The following NOS3 variants were observed in gnomAD, a reference collection of about 807,000 sequenced individuals.
NOS3 encodes nitric oxide synthase 3, also known as NOS type III.
In NOS3, 98 loss-of-function variants were observed where a neutral mutation model predicts 144.9. That is an observed-to-expected ratio of 0.68 (90% CI 0.57 to 0.80). The LOEUF (loss-of-function observed/expected upper bound fraction) is 0.80. Ranked by LOEUF, NOS3 falls within the 30% of genes least tolerant of loss-of-function variation. The pLI, the probability that NOS3 is intolerant of heterozygous loss-of-function variation, is 0.00. For missense variants in NOS3, 1,465 were observed against 1,656.4 expected (o/e 0.88, Z 2.01); for synonymous variants, 714 against 702.4 (o/e 1.02, Z -0.26).
intron 23 of NOS3, chr7:151,011,985 A>T (rs1351826077): frequency 2.3e-5 from 7 of 298,198 alleles, no homozygotes; most frequent in Admixed American, 4.7e-5. Flanking sequence ...GCTAAACTAC[A>T]AATAAACCGT....
chr7:151,001,057 C>T (rs761107060), intron 10 of NOS3, among the ~76,000 whole-genome samples, 174 bp from the exon 11 acceptor site: 51 of 152,076 alleles, frequency 3.4e-4, no homozygotes, highest in Non-Finnish European at 5.7e-4. Context: ...GCAGCATGAC[C>T]ATGCATGATG....
Position 151,003,623 on chromosome 7 carries a change from C to A in NOS3, c.1752+1319C>A. ...CACATTTTCACCACCCTGGAAAGTT[C>A]CCTCATCAGTTCCTCACGTGAATCC... On this transcript the variant is annotated intron_variant, in intron 14 of 26. Coordinates refer to ENST00000297494, the MANE Select transcript of NOS3 (RefSeq NM_000603.5). The surrounding 1 kb of genome is among the most constrained non-coding windows in gnomAD (Gnocchi z 4.1). 9.8e-7 allele frequency: 1 copy of A among 1,021,676 alleles called. No individual in the cohort carries two copies. Among genetic ancestry groups the A allele is most frequent in the Non-Finnish European group, 1.4e-6 (1 of 730,610 alleles). The allele number at this position is 1,021,676 out of a possible 1,614,324, so 63.3% of individuals were successfully genotyped here.
Position 151,010,257 on chromosome 7 carries a change from G to A in NOS3, c.2655G>A (p.Arg885=). ...RLLSTLAEEP[R]EQQELEALSQ... Reference sequence around the variant, plus strand: ...TCAGCACCTTGGCAGAAGAGCCCAGGGAACAGCAGGAGCTGGAGGCCCTCA... The same window carrying A: ...TCAGCACCTTGGCAGAAGAGCCCAGAGAACAGCAGGAGCTGGAGGCCCTCA... The change falls in exon 21 of 27, where the codon AGG becomes AGA. Residue 885 remains arginine, a synonymous_variant. Coordinates refer to ENST00000297494, the MANE Select transcript of NOS3 (RefSeq NM_000603.5). 2 of 1,613,010 alleles carry A rather than the reference G, an allele frequency of 1.2e-6. No individual in the cohort carries two copies. Among genetic ancestry groups the A allele is most frequent in the Non-Finnish European group, 1.7e-6 (2 of 1,179,904 alleles).
rs1021432680 is a variant in NOS3 at position 151,009,066 on chromosome 7, G to T, written c.2245+4G>T. 19 of 1,612,686 alleles carry T rather than the reference G, an allele frequency of 1.2e-5. No homozygotes were observed. The highest frequency in any genetic ancestry group is 1.7e-5 in the Admixed American group (1 of 59,870). On this transcript the variant is annotated splice_donor_region_variant and intron_variant, in intron 18 of 26. Transcript: ENST00000297494. The stretch of plus-strand genomic sequence containing the variant: ...GAGGGCCTGCAGTTGCTGCCAGGTG[G>T]GCCCTGCCCTCACCCTAACCCGGCT...
chr7:151,007,088 C>T lies in NOS3; in HGVS notation c.1938-14C>T, dbSNP rs768779524. 6.2e-7 allele frequency: 1 copy of T among 1,614,114 alleles called. No individual in the cohort carries two copies. Among genetic ancestry groups the T allele is most frequent in the South Asian group, 1.1e-5 (1 of 91,080 alleles). On this transcript the variant is annotated splice_polypyrimidine_tract_variant and intron_variant, in intron 16 of 26. Coordinates refer to ENST00000297494, the MANE Select transcript of NOS3 (RefSeq NM_000603.5). ...CCTGCAAAGGGAGCTCCACTGACGA[C>T]CCCTGCACCCCAGGTTCTGTGTGTT... is the stretch of plus-strand genomic sequence containing the variant.
intron 4 of NOS3, 58 bp downstream of exon 4, chr7:150,996,610 G>T: frequency 1.3e-6 from 2 of 1,541,444 alleles, no homozygotes; most frequent in South Asian, 2.4e-5. Flanking sequence ...CAGAAACCCC[G>T]TGACGACCTT....
At position 151,009,633 on chromosome 7, in the gene NOS3, G is replaced by A. The variant is rs369082701; in HGVS notation, c.2512+48G>A. 7.3e-5 allele frequency: 104 copies of A among 1,434,272 alleles called. 1 individual carries two copies. The Admixed American group carries it at 9.8e-4, about 14-fold the overall frequency. 88.8% of individuals were successfully genotyped at this position (1,434,272 alleles called of 1,614,324 possible). ...ACAGGGCACACCAGCCCCATGCCCA[G>A]CCCCACCCCCGGCCCCAGGCCTCCA... On this transcript the variant is annotated intron_variant, in intron 20 of 26. Transcript: ENST00000297494.
intron 4 of NOS3, 25 bp from the exon 5 acceptor site, chr7:150,996,738 C>T (rs1802434558): frequency 6.2e-7 from 1 of 1,609,070 alleles, no homozygotes; most frequent in East Asian, 2.2e-5. Context: ...CCTGCTTGTC[C>T]CCTTCCCACC....
At position 151,014,095 on chromosome 7, in the gene NOS3, T is replaced by C. The variant is rs140184474; in HGVS notation, c.3538T>C (p.Leu1180=). 5.6e-6 allele frequency: 9 copies of C among 1,613,680 alleles called. No homozygotes were observed. In the African/African-American group the frequency reaches 1.1e-4, roughly 19 times the overall value. ...CCGCATACGCACCCAGAGCTTTTCC[T>C]TGCAGGAGCGTCAGTTGCGGGGCGC... The part of the protein sequence containing the change: ...TSRIRTQSFS[L]QERQLRGAVP... Residue 1180 remains leucine, a synonymous_variant, in exon 27 of 27, where the codon TTG becomes CTG. Transcript: ENST00000297494.
intron 20 of NOS3, 75 bp downstream of exon 20, chr7:151,009,660 G>T: frequency 7.4e-7 from 1 of 1,348,118 alleles, no homozygotes; most frequent in East Asian, 2.5e-5. Context: ...AGGCCTCCAG[G>T]AGCTCAGGAC....
At position 151,012,431 on chromosome 7, in the gene NOS3, G is replaced by C. The variant is rs368502694; in HGVS notation, c.3065G>C (p.Arg1022Pro). 1.2e-6 allele frequency: 2 copies of C among 1,610,888 alleles called. No homozygotes were observed. Among genetic ancestry groups the C allele is most frequent in the South Asian group, 2.2e-5 (2 of 90,166 alleles). The stretch of plus-strand genomic sequence containing the variant: ...CCAGGCACTGGCATTGCCCCCTTCC[G>C]GGGATTCTGGCAGGAGCGGCTGCAT... ...VGPGTGIAPFRGFWQERLHDI... is the reference protein window; with the variant it reads ...VGPGTGIAPFPGFWQERLHDI... The change falls in exon 24 of 27, where the codon CGG becomes CCG. Residue 1022 changes from arginine (R) to proline (P), a missense_variant. Arg to Pro is a moderately radical substitution (Grantham distance 103, BLOSUM62 -2). Coordinates refer to ENST00000297494, the MANE Select transcript of NOS3 (RefSeq NM_000603.5).
At position 151,014,490 on chromosome 7, in the gene NOS3, T is replaced by C. The variant is rs556568807; in HGVS notation, c.*321T>C. 182 of 358,392 alleles carry C rather than the reference T, an allele frequency of 5.1e-4. No individual in the cohort carries two copies. Among genetic ancestry groups the C allele is most frequent in the Admixed American group, 8.9e-4 (21 of 23,534 alleles). 22.2% of individuals were successfully genotyped at this position (358,392 alleles called of 1,614,324 possible). The stretch of plus-strand genomic sequence containing the variant: ...GCCTCTCTCAGGAGTATCTTACCTG[T>C]AAAGTCTAATCTCTAAATCAAGTAT... On this transcript the variant is annotated 3_prime_UTR_variant, in exon 27 of 27. Transcript: ENST00000297494.
Position 150,998,226 on chromosome 7 carries a change from C to A in NOS3, c.583-131C>A. ...GGGCAGGAAGGGATCAGTGTGGCTG[C>A]CAATGGTCAGGAGGGCGCCATGGAG... On this transcript the variant is annotated intron_variant, in intron 5 of 26. Coordinates refer to ENST00000297494, the MANE Select transcript of NOS3 (RefSeq NM_000603.5). The surrounding 1 kb of genome is among the most constrained non-coding windows in gnomAD (Gnocchi z 5.0). 1.4e-6 allele frequency: 1 copy of A among 735,328 alleles called. No individual in the cohort carries two copies. 45.6% of individuals were successfully genotyped at this position (735,328 alleles called of 1,614,324 possible). A position where few individuals can be genotyped will look rare whatever the true frequency, so the allele number is the denominator to read the frequency against.
At chr7:150,991,927 C>T (rs1241740543) in intron 1 of NOS3, among the ~76,000 whole-genome samples, 2 of 150,468 alleles carry the variant, frequency 1.3e-5, no homozygotes, top group South Asian at 2.1e-4. Flanking sequence ...ACCCAGGAGG[C>T]GGAGGTTACA....
rs1475884381 is a variant in NOS3, at chr7:151,003,709, A to G, written c.1752+1405A>G. On this transcript the variant is annotated intron_variant, in intron 14 of 26. Coordinates refer to ENST00000297494, the MANE Select transcript of NOS3 (RefSeq NM_000603.5). This position sits in a 1 kb window ranked among gnomAD's most constrained non-coding sequence, Gnocchi z 4.1. ...ACCACAGAATAGTTTCGCCTGCTCTAGAACGGCACCTAGATGGAAGCACGC... is the reference window on the plus strand; with the variant it reads ...ACCACAGAATAGTTTCGCCTGCTCTGGAACGGCACCTAGATGGAAGCACGC... The G allele has an allele frequency of 3.8e-6, 2 of 532,952 alleles. No individual in the cohort carries two copies. The highest frequency in any genetic ancestry group is 1.5e-5 in the South Asian group (1 of 65,700). The allele number at this position is 532,952 out of a possible 1,614,324, so 33.0% of individuals were successfully genotyped here. A position where few individuals can be genotyped will look rare whatever the true frequency, so the allele number is the denominator to read the frequency against.
In NOS3 at chr7:151,002,768, A is replaced by G. The variant is rs1314380632; in HGVS notation, c.1752+464A>G. ...GTGTTCAGTTTGTAAAAATCCACAG[A>G]GCTGTACATTTACAACATGTGCAAC... is the stretch of plus-strand genomic sequence containing the variant. On this transcript the variant is annotated intron_variant, in intron 14 of 26. Transcript: ENST00000297494. This position sits in a 1 kb window ranked among gnomAD's most constrained non-coding sequence, Gnocchi z 4.1. 1 of 202,988 alleles carries G rather than the reference A, an allele frequency of 4.9e-6. No individual in the cohort carries two copies. Among genetic ancestry groups the G allele is most frequent in the African/African-American group, 2.4e-5 (1 of 41,924 alleles). 12.6% of individuals were successfully genotyped at this position (202,988 alleles called of 1,614,324 possible).
At chr7:150,995,375 C>G in intron 3 of NOS3, 61 bp downstream of exon 3, 2 of 1,136,110 alleles carry the variant, frequency 1.8e-6, no homozygotes, top group Non-Finnish European at 2.6e-6. Flanking sequence ...GGCCTGGCCT[C>G]AGATGGGGCC....
In NOS3 at chr7:150,993,562, A is replaced by C. The variant is rs77996223; in HGVS notation, c.-51-191A>C. On this transcript the variant is annotated intron_variant, in intron 1 of 26. Coordinates refer to ENST00000297494, the MANE Select transcript of NOS3 (RefSeq NM_000603.5). The surrounding 1 kb of genome is among the most constrained non-coding windows in gnomAD (Gnocchi z 4.0). ...ACCTGGGCTCCCACTTATCAGCCTC[A>C]GTCCTCACAGCGGAACCCAGGCGTC... is the stretch of plus-strand genomic sequence containing the variant. Among the ~76,000 whole-genome samples, 277 of 152,150 alleles carry C rather than the reference A, an allele frequency of 1.8e-3. 9 individuals carry two copies. In the East Asian group the frequency reaches 0.048, roughly 26 times the overall value.
rs1802340558 is a variant in NOS3, at chr7:150,995,051, C to T, written c.159-152C>T. ...GGTCTATAAACGGAGGCACAGCTCG[C>T]CTCTAGCTCCTAAGGCATGGGGAAC... is the stretch of plus-strand genomic sequence containing the variant. On this transcript the variant is annotated intron_variant, in intron 2 of 26. Transcript: ENST00000297494. 5.5e-6 allele frequency: 3 copies of T among 547,972 alleles called. No homozygotes were observed. The African/African-American group carries it at 5.8e-5, about 11-fold the overall frequency. The allele number at this position is 547,972 out of a possible 1,614,324, so 33.9% of individuals were successfully genotyped here.
Sources: allele counts gnomAD v4.1 joint callset (sites outside exome capture counted in the v4.1 genomes callset), GRCh38; gene constraint gnomAD v4.1.1; non-coding constraint Gnocchi (gnomAD v3.1); transcripts MANE v1.5; gene names NCBI Gene and HGNC (gene_info 2026-07-23, HGNC 2026-07-21).